Variants in PRPF8 observed in about 807,000 individuals in gnomAD.
PRPF8 encodes the protein pre-mRNA-processing-splicing factor 8.
In PRPF8, 64 loss-of-function variants were observed where a neutral mutation model predicts 285.9. The observed-to-expected ratio is 0.22, with a 90% CI of 0.18 to 0.28. The LOEUF (loss-of-function observed/expected upper bound fraction) is 0.28, where lower values mean the gene tolerates loss of function less well. PRPF8 is among the 10% of genes least tolerant of loss of function. The pLI, the probability that PRPF8 is intolerant of heterozygous loss-of-function variation, is 1.00. For synonymous variants in PRPF8, 1,325 were observed against 1,118.2 expected (o/e 1.18, Z -3.69); for missense variants, 1,426 against 3,026.7 (o/e 0.47, Z 12.41).
rs748751503 is a variant in PRPF8 at position 1,651,732 on chromosome 17, G to T, written c.6426C>A (p.Ile2142=). ...SPPDNPQVKE[I]RCIVMVPQWG... ...ACTGCGGCACCATCACAATGCAGCG[G>T]ATCTCCTTCACCTGGGGGTTATCTG... The change falls in exon 40 of 43, where the codon ATC becomes ATA. Residue 2142 remains isoleucine (I), a synonymous_variant. Transcript: ENST00000304992. This position sits in a 1 kb window ranked among gnomAD's most constrained non-coding sequence, Gnocchi z 5.1. 1 of 1,614,166 alleles carries T rather than the reference G, an allele frequency of 6.2e-7. No individual in the cohort carries two copies. Among genetic ancestry groups the T allele is most frequent in the Non-Finnish European group, 8.5e-7 (1 of 1,180,028 alleles).
At position 1,679,517 on chromosome 17, in the gene PRPF8, G is replaced by C; in HGVS notation, c.1289+92C>G. 6.5e-7 allele frequency: 1 copy of C among 1,536,252 alleles called. No individual in the cohort carries two copies. ...CATTTTTATGGGAAAAAAAAAAAAA[G>C]AATTTAAAAAAAAGGCTACATGCCC... On this transcript the variant is annotated intron_variant, in intron 9 of 42. Transcript: ENST00000304992. The surrounding 1 kb of genome is among the most constrained non-coding windows in gnomAD (Gnocchi z 4.7).
Position 1,661,201 on chromosome 17 carries a change from C to CT in PRPF8, c.4339-40dup. 6.2e-7 allele frequency: 1 copy of CT among 1,614,126 alleles called. No individual in the cohort carries two copies. The highest frequency in any genetic ancestry group is 1.1e-5 in the South Asian group (1 of 91,084). On this transcript the variant is annotated intron_variant, in intron 27 of 42. Transcript: ENST00000304992. The surrounding 1 kb of genome is among the most constrained non-coding windows in gnomAD (Gnocchi z 7.3). ...CAGGCACGGTCAAGCTTCTGGGTGCCTATTGCCCCAAGTTTCGGGGATAGC... is the reference window on the plus strand; with the variant it reads ...CAGGCACGGTCAAGCTTCTGGGTGCCTTATTGCCCCAAGTTTCGGGGATAGC...
rs139756947 is a variant in PRPF8 at position 1,651,333 on chromosome 17, G to C, written c.6651-23C>G. 1.2e-4 allele frequency: 189 copies of C among 1,614,094 alleles called. No homozygotes were observed. The East Asian group carries it at 3.2e-3, about 28-fold the overall frequency. ...AAGCTGGGGGAGGAACGAGGACAGAGTAACAGCTCAGGCCACTGTTCTGGG... is the reference window on the plus strand; with the variant it reads ...AAGCTGGGGGAGGAACGAGGACAGACTAACAGCTCAGGCCACTGTTCTGGG... On this transcript the variant is annotated intron_variant, in intron 41 of 42. Transcript: ENST00000304992. This position sits in a 1 kb window ranked among gnomAD's most constrained non-coding sequence, Gnocchi z 5.1.
intron 37 of PRPF8, chr17:1,654,361 G>A (rs189697061): frequency 6.6e-5 from 30 of 456,338 alleles, no homozygotes; most frequent in Middle Eastern, 6.3e-4. Context: ...GGTATTGTCC[G>A]TCACCCTATG....
chr17:1,676,631 G>T lies in PRPF8; in HGVS notation c.2262C>A (p.Ala754=), dbSNP rs1460588244. Residue 754 remains alanine, a synonymous_variant, in exon 16 of 43, where the codon GCC becomes GCA. Coordinates refer to ENST00000304992, the MANE Select transcript of PRPF8 (RefSeq NM_006445.4). The surrounding 1 kb of genome is among the most constrained non-coding windows in gnomAD (Gnocchi z 6.3). Reference sequence around the variant, plus strand: ...GGCGGATCCGTTCTCGGTTGTAGTGGGCAGTGTTGGTCCACCAGTCAGCCT... The same window carrying T: ...GGCGGATCCGTTCTCGGTTGTAGTGTGCAGTGTTGGTCCACCAGTCAGCCT... ...KAKADWWTNT[A]HYNRERIRRG... The T allele has an allele frequency of 6.2e-7, 1 of 1,614,048 alleles. No individual in the cohort carries two copies. The highest frequency in any genetic ancestry group is 1.3e-5 in the African/African-American group (1 of 74,906).
rs996912056 is a variant in PRPF8, at chr17:1,679,486, G to A, written c.1290-76C>T. ...TGCTAAAGGCTGCAAGCCTTGGGTT[G>A]TCTACCATTTTTATGGGAAAAAAAA... is the stretch of plus-strand genomic sequence containing the variant. On this transcript the variant is annotated intron_variant, in intron 9 of 42. Coordinates refer to ENST00000304992, the MANE Select transcript of PRPF8 (RefSeq NM_006445.4). This position sits in a 1 kb window ranked among gnomAD's most constrained non-coding sequence, Gnocchi z 4.7. 6.3e-7 allele frequency: 1 copy of A among 1,594,308 alleles called. No individual in the cohort carries two copies.
intron 2 of PRPF8, 122 bp downstream of exon 2, chr17:1,684,350 T>C (rs369358644): frequency 1.5e-5 from 15 of 976,108 alleles, no homozygotes; most frequent in Middle Eastern, 2.7e-4. Context: ...AAAAATTAAC[T>C]GGAAATAACA....
Position 1,659,289 on chromosome 17 carries a change from G to A in PRPF8, c.5138+68C>T, listed in dbSNP as rs1911562049. On this transcript the variant is annotated intron_variant, in intron 32 of 42. Coordinates refer to ENST00000304992, the MANE Select transcript of PRPF8 (RefSeq NM_006445.4). The surrounding 1 kb of genome is among the most constrained non-coding windows in gnomAD (Gnocchi z 5.1). ...AATCTGCCCACCGCGGCCTCCCAAAGTGCTGGGATTACAGGTGTGAGCCAC... is the reference window on the plus strand; with the variant it reads ...AATCTGCCCACCGCGGCCTCCCAAAATGCTGGGATTACAGGTGTGAGCCAC... 1 of 1,577,176 alleles carries A rather than the reference G, an allele frequency of 6.3e-7. No individual in the cohort carries two copies. The highest frequency in any genetic ancestry group is 8.7e-7 in the Non-Finnish European group (1 of 1,148,326).
In PRPF8 at chr17:1,681,560, C is replaced by G; in HGVS notation, c.784G>C (p.Ala262Pro). 2 of 1,613,824 alleles carry G rather than the reference C, an allele frequency of 1.2e-6. No individual in the cohort carries two copies. Among genetic ancestry groups the G allele is most frequent in the Non-Finnish European group, 1.7e-6 (2 of 1,179,772 alleles). The change falls in exon 6 of 43, where the codon GCC becomes CCC. Residue 262 changes from alanine (A) to proline (P), a missense_variant. Ala to Pro is a conservative substitution (Grantham distance 27, BLOSUM62 -1). Around this residue, in one of 34 missense-constraint regions of PRPF8, gnomAD observed 157 missense variants for 159.6 expected, o/e 0.98. Transcript: ENST00000304992. ...DNYFYLFDLKAFFTSKALNMA... is the reference protein window; with the variant it reads ...DNYFYLFDLKPFFTSKALNMA... ...TTGAGTGCCTTGGACGTAAAGAAGG[C>G]CTTCAAATCAAACAGGTAGAAGTAG...
In PRPF8 at chr17:1,675,699, G is replaced by A; in HGVS notation, c.2793C>T (p.Asp931=). 1.2e-6 allele frequency: 2 copies of A among 1,614,146 alleles called. No individual in the cohort carries two copies. Among genetic ancestry groups the A allele is most frequent in the Non-Finnish European group, 1.7e-6 (2 of 1,180,030 alleles). ...YLDQYLWYEA[D]KRRLFPPWIK... ...TCCAGGGTGGGAACAGGCGGCGCTTGTCGGCTTCATACCACAGGTACTGGT... is the reference window on the plus strand; with the variant it reads ...TCCAGGGTGGGAACAGGCGGCGCTTATCGGCTTCATACCACAGGTACTGGT... Residue 931 remains aspartate, a synonymous_variant, in exon 19 of 43, where the codon GAC becomes GAT. Coordinates refer to ENST00000304992, the MANE Select transcript of PRPF8 (RefSeq NM_006445.4). The surrounding 1 kb of genome is among the most constrained non-coding windows in gnomAD (Gnocchi z 6.0).
Position 1,653,932 on chromosome 17 carries a change from C to T in PRPF8, c.6072G>A (p.Gln2024=). Residue 2024 remains glutamine, a synonymous_variant, in exon 38 of 43, where the codon CAG becomes CAA. Transcript: ENST00000304992. This position sits in a 1 kb window ranked among gnomAD's most constrained non-coding sequence, Gnocchi z 4.9. ...MEISAPSQQR[Q]QIAEIEKQTK... ...TCTGCTTCTCGATCTCAGCGATCTG[C>T]TGCCGCTGCTGTGACGGTGCCGAGA... The T allele has an allele frequency of 6.2e-7, 1 of 1,613,466 alleles. No homozygotes were observed. Among genetic ancestry groups the T allele is most frequent in the Non-Finnish European group, 8.5e-7 (1 of 1,179,842 alleles).
In PRPF8 at chr17:1,656,638, A is replaced by G. The variant is rs1462439439; in HGVS notation, c.5619+10T>C. 1.9e-6 allele frequency: 3 copies of G among 1,613,404 alleles called. No homozygotes were observed. In the South Asian group the frequency reaches 3.3e-5, roughly 18 times the overall value. ...GGTCTCTTTTCTCCTACCCCACCCCACCCTCTTACCTCCAGTGGGTCCAGC... is the reference window on the plus strand; with the variant it reads ...GGTCTCTTTTCTCCTACCCCACCCCGCCCTCTTACCTCCAGTGGGTCCAGC... On this transcript the variant is annotated intron_variant, in intron 35 of 42. Coordinates refer to ENST00000304992, the MANE Select transcript of PRPF8 (RefSeq NM_006445.4).
chr17:1,678,056 G>A (rs1421886335), intron 13 of PRPF8, among the ~76,000 whole-genome samples: 1 of 152,114 alleles, frequency 6.6e-6, no homozygotes, highest in African/African-American at 2.4e-5. Flanking sequence ...GACTCACGCT[G>A]GTAATCCCAG....
chr17:1,658,123 T>A lies in PRPF8; in HGVS notation c.5505+130A>T. On this transcript the variant is annotated intron_variant, in intron 34 of 42. Transcript: ENST00000304992. This position sits in a 1 kb window ranked among gnomAD's most constrained non-coding sequence, Gnocchi z 4.1. The stretch of plus-strand genomic sequence containing the variant: ...ACCTCCCACAGAATACTTCCCAAGG[T>A]ATTTTGGGGATAAGTTCAAATGAGA... The A allele has an allele frequency of 1.5e-6, 2 of 1,363,694 alleles. No individual in the cohort carries two copies. Among genetic ancestry groups the A allele is most frequent in the Non-Finnish European group, 2.0e-6 (2 of 976,124 alleles). The allele number at this position is 1,363,694 out of a possible 1,614,324, so 84.5% of individuals were successfully genotyped here.
rs1166319886 is a variant in PRPF8 at position 1,654,250 on chromosome 17, T to C, written c.5988-234A>G. 6.3e-6 allele frequency: 4 copies of C among 639,242 alleles called. No individual in the cohort carries two copies. In the Admixed American group the frequency reaches 9.8e-5, roughly 16 times the overall value. The allele number at this position is 639,242 out of a possible 1,614,324, so 39.6% of individuals were successfully genotyped here. A position where few individuals can be genotyped will look rare whatever the true frequency, so the allele number is the denominator to read the frequency against. ...GCACCTTCCCACTGTTTAGCATCCATAAACCCTACGCTTCCTTGACCAAAA... is the reference window on the plus strand; with the variant it reads ...GCACCTTCCCACTGTTTAGCATCCACAAACCCTACGCTTCCTTGACCAAAA... On this transcript the variant is annotated intron_variant, in intron 37 of 42. Coordinates refer to ENST00000304992, the MANE Select transcript of PRPF8 (RefSeq NM_006445.4).
chr17:1,678,496 G>C, intron 13 of PRPF8, 22 bp downstream of exon 13: 1 of 1,613,998 alleles, frequency 6.2e-7, no homozygotes, highest in Non-Finnish European at 8.5e-7. Context: ...AAAAAAGAAA[G>C]TCAGTAAAGT....
rs753772953 is a variant in PRPF8, at chr17:1,673,234, C to T, written c.3658-37G>A. ...AGTCAAGGTTAACATGTCCGAGGAA[C>T]TCCCACAGAAGCAAGAGCCAACTGT... On this transcript the variant is annotated intron_variant, in intron 23 of 42. Transcript: ENST00000304992. The surrounding 1 kb of genome is among the most constrained non-coding windows in gnomAD (Gnocchi z 5.5). The T allele has an allele frequency of 4.0e-5, 65 of 1,610,046 alleles. No homozygotes were observed. Among genetic ancestry groups the T allele is most frequent in the Admixed American group, 1.3e-4 (8 of 59,976 alleles).
At chr17:1,680,397 A>G (rs1912844781) in intron 8 of PRPF8, 1 of 417,776 alleles carries the variant, frequency 2.4e-6, no homozygotes, top group African/African-American at 2.0e-5. Context: ...CAAATTACAC[A>G]CTTTAAATGG....
chr17:1,651,537 C>T lies in PRPF8; in HGVS notation c.6527G>A (p.Gly2176Asp). ...HEYLKEMEPL[G>D]WIHTQPNESP... ...CTCATTGGGCTGAGTGTGGATCCAACCTAAGGGTTCCATCTCCTATAGGTA... is the reference window on the plus strand; with the variant it reads ...CTCATTGGGCTGAGTGTGGATCCAATCTAAGGGTTCCATCTCCTATAGGTA... Residue 2176 changes from glycine (G) to aspartate (D), a missense_variant, in exon 41 of 43, where the codon GGT (glycine) becomes GAT (aspartate). Around this residue, in one of 34 missense-constraint regions of PRPF8, gnomAD observed 160 missense variants for 373.7 expected, o/e 0.43. Coordinates refer to ENST00000304992, the MANE Select transcript of PRPF8 (RefSeq NM_006445.4). This position sits in a 1 kb window ranked among gnomAD's most constrained non-coding sequence, Gnocchi z 5.1. The T allele has an allele frequency of 6.2e-7, 1 of 1,614,032 alleles. No homozygotes were observed. The highest frequency in any genetic ancestry group is 8.5e-7 in the Non-Finnish European group (1 of 1,179,998).
Sources: gnomAD v4.1 joint callset for allele counts (sites outside exome capture counted in the v4.1 genomes callset) on GRCh38, gnomAD v4.1.1 for gene constraint, gnomAD v4.1.1 regional missense constraint, Gnocchi (gnomAD v3.1) non-coding constraint, MANE v1.5 for transcripts, NCBI Gene and HGNC (gene_info 2026-07-23, HGNC 2026-07-21) for gene names.